Variants in C12orf42 observed in about 807,000 individuals in gnomAD.
C12orf42 encodes the protein uncharacterized protein C12orf42.
Under a neutral mutation model 21.6 loss-of-function variants are expected in C12orf42, and 25 were observed. That is an observed-to-expected ratio of 1.16 (90% CI 0.84 to 1.62). C12orf42 has a LOEUF of 1.62. Among genes scored for constraint, C12orf42 ranks in the 40% most tolerant of loss-of-function variants. The pLI, the probability that C12orf42 is intolerant of heterozygous loss-of-function variation, is 0.00. For synonymous variants in C12orf42, 174 were observed against 175.0 expected, an observed-to-expected ratio of 0.99 and a Z score of 0.05; for missense variants, 483 against 459.3, an observed-to-expected ratio of 1.05 and a Z score of -0.47.
chr12:103,170,997 A>G, the C12orf42 span, among the ~76,000 whole-genome samples: 1 of 152,062 alleles, frequency 6.6e-6, no homozygotes, highest in South Asian at 2.1e-4. Context: ...CCATTATGTT[A>G]TACTTGCTTT....
At chr12:103,368,598 A>G (rs2137888621) in intron 4 of C12orf42, among the ~76,000 whole-genome samples, 1 of 152,240 alleles carries the variant, frequency 6.6e-6, no homozygotes, top group African/African-American at 2.4e-5. Flanking sequence ...CTGCCAGGGC[A>G]TGTTATTGCT....
chr12:103,357,837 A>G (rs926791371), intron 4 of C12orf42, among the ~76,000 whole-genome samples: 2 of 152,120 alleles, frequency 1.3e-5, no homozygotes, highest in African/African-American at 4.8e-5. Context: ...GTTTACCACC[A>G]CTGAAACTCT....
chr12:103,085,431 C>T, the C12orf42 span, among the ~76,000 whole-genome samples: 1 of 152,074 alleles, frequency 6.6e-6, no homozygotes, highest in African/African-American at 2.4e-5. Context: ...ACTCACTTTT[C>T]TCTCCAGCAC....
the C12orf42 span, among the ~76,000 whole-genome samples, chr12:103,165,284 C>G: frequency 6.6e-6 from 1 of 152,164 alleles, no homozygotes. Flanking sequence ...AGTGGGAAAC[C>G]GGGCAGGCAC....
At chr12:103,522,004 G>C in the C12orf42 span, among the ~76,000 whole-genome samples, 1 of 152,136 alleles carries the variant, frequency 6.6e-6, no homozygotes, top group Non-Finnish European at 1.5e-5. Flanking sequence ...GCTGTCTCCT[G>C]GTTGGCACCT....
At chr12:103,243,773 G>A (rs1409350645) in intron 10 of C12orf42, among the ~76,000 whole-genome samples, 1 of 152,074 alleles carries the variant, frequency 6.6e-6, no homozygotes, top group African/African-American at 2.4e-5. Flanking sequence ...ACAAAGTCAG[G>A]TCACTTGTGT....
At chr12:103,206,288 C>A in the C12orf42 span, among the ~76,000 whole-genome samples, 1 of 152,200 alleles carries the variant, frequency 6.6e-6, no homozygotes, top group Admixed American at 6.5e-5. Context: ...ACAGGTATTT[C>A]TCTCAAGAAT....
chr12:103,355,669 A>G (rs758754453), intron 4 of C12orf42, among the ~76,000 whole-genome samples: 10 of 152,066 alleles, frequency 6.6e-5, no homozygotes, highest in Admixed American at 2.6e-4. Flanking sequence ...TGGATCCCCA[A>G]TAGCCTTACC....
the C12orf42 span, among the ~76,000 whole-genome samples, chr12:103,109,392 A>T: frequency 6.6e-6 from 1 of 152,096 alleles, no homozygotes; most frequent in South Asian, 2.1e-4. Context: ...AGCCTGTGTA[A>T]AACTGGTATA....
chr12:103,292,360 A>C (rs2036878412), intron 4 of C12orf42, among the ~76,000 whole-genome samples: 1 of 152,172 alleles, frequency 6.6e-6, no homozygotes, highest in South Asian at 2.1e-4. Context: ...TTGTACACTT[A>C]AGATGGGTGA....
At chr12:103,238,943 C>T (rs1412497419) in intron 10 of C12orf42, among the ~76,000 whole-genome samples, 1 of 152,138 alleles carries the variant, frequency 6.6e-6, no homozygotes, top group East Asian at 1.9e-4. Context: ...AGATGTCGAC[C>T]ATGGCTGGCA....
chr12:103,280,424 C>A (rs548879725), intron 4 of C12orf42, among the ~76,000 whole-genome samples: 3 of 152,280 alleles, frequency 2.0e-5, no homozygotes, highest in Non-Finnish European at 4.4e-5. Context: ...TCAAGACCAG[C>A]CTGGCCAACA....
At chr12:103,333,097 A>G (rs898541651) in intron 4 of C12orf42, among the ~76,000 whole-genome samples, 4 of 152,244 alleles carry the variant, frequency 2.6e-5, no homozygotes, top group African/African-American at 9.6e-5. Context: ...CATTCGCCTA[A>G]TAACAGTCTG....
intron 2 of C12orf42, among the ~76,000 whole-genome samples, chr12:103,465,351 C>T (rs1184857233): frequency 6.6e-6 from 1 of 152,110 alleles, no homozygotes; most frequent in Non-Finnish European, 1.5e-5. Context: ...ATTTTATTCT[C>T]TTTGTAGCAA....
At chr12:103,345,670 T>G (rs561248954) in intron 4 of C12orf42, among the ~76,000 whole-genome samples, 1 of 152,308 alleles carries the variant, frequency 6.6e-6, no homozygotes, top group African/African-American at 2.4e-5. Context: ...CATTTTAAAC[T>G]TATTCATGAA....
intron 1 of C12orf42, among the ~76,000 whole-genome samples, chr12:103,493,023 G>A (rs1955280127): frequency 1.3e-5 from 2 of 152,130 alleles, no homozygotes; most frequent in Admixed American, 1.3e-4. Flanking sequence ...CCAGGATTAA[G>A]GTTTCTGCTG....
chr12:103,203,538 A>G, the C12orf42 span, among the ~76,000 whole-genome samples: 1 of 152,198 alleles, frequency 6.6e-6, no homozygotes, highest in Non-Finnish European at 1.5e-5. Context: ...ATTAAAAGCT[A>G]TGGGTTGTTG....
chr12:103,530,365 G>C, the C12orf42 span, among the ~76,000 whole-genome samples: 1 of 152,178 alleles, frequency 6.6e-6, no homozygotes, highest in African/African-American at 2.4e-5. Flanking sequence ...AGGCGTGCTG[G>C]AGACTTTGGG....
the C12orf42 span, among the ~76,000 whole-genome samples, chr12:103,173,853 C>G: frequency 6.6e-6 from 1 of 152,136 alleles, no homozygotes; most frequent in Non-Finnish European, 1.5e-5. Flanking sequence ...AGCATACCCT[C>G]TATTTACTCA....
Sources: allele counts gnomAD v4.1 joint callset (sites outside exome capture counted in the v4.1 genomes callset), GRCh38; gene constraint gnomAD v4.1.1; transcripts MANE v1.5; gene names NCBI Gene and HGNC (gene_info 2026-07-23, HGNC 2026-07-21).